Variants in KIAA1217 observed in about 807,000 individuals in gnomAD.
The protein encoded by KIAA1217 is sickle tail protein homolog.
Under a neutral mutation model 163.9 loss-of-function variants are expected in KIAA1217, and 88 were observed. The observed-to-expected ratio is 0.54, with a 90% CI of 0.45 to 0.64. KIAA1217 has a LOEUF of 0.64. Ranked by LOEUF, KIAA1217 falls within the 30% of genes least tolerant of loss-of-function variation. KIAA1217 has a pLI of 0.00. For missense variants in KIAA1217, 2,372 were observed against 2,475.0 expected (o/e 0.96, Z 0.88); for synonymous variants, 903 against 923.1 (o/e 0.98, Z 0.39).
At chr10:24,042,088 G>A (rs903960419) in intron 2 of KIAA1217, 4 of 152,104 alleles carry the variant, frequency 2.6e-5, no homozygotes, top group African/African-American at 9.7e-5. Context: ...ATGGGCTACG[G>A]GGCTGCATGA....
At chr10:24,291,549 T>C (rs2132462907) in intron 2 of KIAA1217, among the ~76,000 whole-genome samples, 1 of 152,192 alleles carries the variant, frequency 6.6e-6, no homozygotes, top group Middle Eastern at 3.4e-3. Context: ...AAAACTTCAC[T>C]CAATCATTTC....
chr10:24,361,982 C>CAAAAAAAAAAAAAAAAAAAA (rs68117028), intron 2 of KIAA1217, among the ~76,000 whole-genome samples: 2 of 100,574 alleles, frequency 2.0e-5, no homozygotes, highest in Non-Finnish European at 3.9e-5. Context: ...GACTCTGTCT[C>CAAAAAAAAAAAAAAAAAAAA]AAAAAAAAAA....
chr10:23,898,969 C>T (rs1430845477), intron 1 of KIAA1217, among the ~76,000 whole-genome samples: 1 of 152,102 alleles, frequency 6.6e-6, no homozygotes, highest in Non-Finnish European at 1.5e-5. Context: ...ATGGGCTAAA[C>T]TGTGTTGATG....
intron 1 of KIAA1217, among the ~76,000 whole-genome samples, chr10:23,711,458 G>A (rs1029067977): frequency 6.6e-6 from 1 of 152,154 alleles, no homozygotes; most frequent in Non-Finnish European, 1.5e-5. Flanking sequence ...CCAGGAGACA[G>A]AACAGGCAAG....
At chr10:23,999,381 CAATT>C (rs1173993000) in intron 1 of KIAA1217, among the ~76,000 whole-genome samples, 1 of 152,132 alleles carries the variant, frequency 6.6e-6, no homozygotes, top group Admixed American at 6.5e-5. Flanking sequence ...TAGGCACTGA[CAATT>C]AAGGAGCAGG....
chr10:24,098,953 C>T lies in KIAA1217; in HGVS notation c.-171+91579C>T, dbSNP rs568264529. Among the ~76,000 whole-genome samples, 7 of 152,188 alleles carry T rather than the reference C, an allele frequency of 4.6e-5. No individual in the cohort carries two copies. The South Asian group carries it at 1.5e-3, about 32-fold the overall frequency. On this transcript the variant is annotated intron_variant, in intron 2 of 18. Transcript: ENST00000376462. ...GAGCTGTGATTGCACCACTATATTC[C>T]AGCCTGGGTGACAGAGGGTTCAAGT... is the stretch of plus-strand genomic sequence containing the variant.
chr10:23,752,019 T>G (rs1839765087), intron 1 of KIAA1217, among the ~76,000 whole-genome samples: 1 of 152,226 alleles, frequency 6.6e-6, no homozygotes, highest in Non-Finnish European at 1.5e-5. Context: ...ATGCTGTACC[T>G]CACATCATGA....
intron 2 of KIAA1217, among the ~76,000 whole-genome samples, chr10:24,356,202 T>C (rs2049081983): frequency 6.6e-6 from 1 of 152,236 alleles, no homozygotes; most frequent in African/African-American, 2.4e-5. Flanking sequence ...GCTTCATTTG[T>C]GCTTCCTGGA....
At chr10:24,434,420 C>A (rs35660454) in intron 4 of KIAA1217, among the ~76,000 whole-genome samples, 19,645 of 152,164 alleles carry the variant, frequency 0.13, 1,319 homozygotes, top group African/African-American at 0.17. Context: ...TCAGTGCAGC[C>A]TCGACCTTCT....
At position 24,524,352 on chromosome 10, in the gene KIAA1217, C is replaced by A; in HGVS notation, c.2486C>A (p.Thr829Lys). The part of the protein sequence containing the change: ...RHVTDGLLKG[T>K]DAAQAAQYMA... ...GTCACTGATGGGCTCCTGAAAGGCA[C>A]GGACGCAGCCCAAGCCGCACAGTAC... The change falls in exon 13 of 21, where the codon ACG becomes AAG. Residue 829 changes from threonine (T) to lysine (K), a missense_variant. By Grantham distance (78) the Thr-to-Lys change is moderately conservative. This residue lies in a region of KIAA1217 where 1,431 missense variants were observed against 1,470.3 expected (regional missense o/e 0.97). Coordinates refer to ENST00000376454, the MANE Select transcript of KIAA1217 (RefSeq NM_019590.5). 1 of 1,612,242 alleles carries A rather than the reference C, an allele frequency of 6.2e-7. No individual in the cohort carries two copies. Among genetic ancestry groups the A allele is most frequent in the Non-Finnish European group, 8.5e-7 (1 of 1,178,472 alleles).
intron 17 of KIAA1217, among the ~76,000 whole-genome samples, chr10:24,538,985 G>A (rs2074569363): frequency 6.6e-6 from 1 of 152,024 alleles, no homozygotes; most frequent in Non-Finnish European, 1.5e-5. Context: ...ACCCGCCTCA[G>A]CCTCTCAAAA....
chr10:24,437,274 G>T (rs1206048692), intron 4 of KIAA1217, among the ~76,000 whole-genome samples: 2 of 152,126 alleles, frequency 1.3e-5, no homozygotes, highest in African/African-American at 4.8e-5. Flanking sequence ...AGGGCTGCTG[G>T]TTCCCCCTCA....
intron 1 of KIAA1217, among the ~76,000 whole-genome samples, chr10:23,724,669 C>T (rs981180661): frequency 3.3e-5 from 5 of 152,152 alleles, no homozygotes; most frequent in Admixed American, 6.5e-5. Flanking sequence ...AGGATTAATT[C>T]TATAATTTGG....
intron 2 of KIAA1217, among the ~76,000 whole-genome samples, chr10:24,222,730 G>A (rs1054676351): frequency 2.0e-5 from 3 of 152,016 alleles, no homozygotes; most frequent in Non-Finnish European, 2.9e-5. Flanking sequence ...GGCTGGTCTC[G>A]AACTCCTGAC....
chr10:24,096,023 G>A (rs900307910), intron 2 of KIAA1217, among the ~76,000 whole-genome samples: 21 of 152,274 alleles, frequency 1.4e-4, no homozygotes, highest in South Asian at 2.1e-4. Flanking sequence ...CAGAAAGATC[G>A]CTTGAGACCA....
At chr10:23,880,683 G>A (rs1840910435) in intron 1 of KIAA1217, among the ~76,000 whole-genome samples, 1 of 151,924 alleles carries the variant, frequency 6.6e-6, no homozygotes, top group Non-Finnish European at 1.5e-5. Context: ...ATTATGCGTG[G>A]CATGCTTGTA....
chr10:23,905,184 CTT>C (rs66510256), intron 1 of KIAA1217, among the ~76,000 whole-genome samples: 1,482 of 145,864 alleles, frequency 0.01, 27 homozygotes, highest in African/African-American at 0.032. Context: ...GAAGGGGCTG[CTT>C]TTTTTTTTTT....
chr10:24,253,980 T>C (rs2074853872), intron 2 of KIAA1217, among the ~76,000 whole-genome samples: 1 of 152,110 alleles, frequency 6.6e-6, no homozygotes, highest in South Asian at 2.1e-4. Flanking sequence ...AAAAAGGATA[T>C]AGTTCTATGC....
chr10:23,874,658 A>G (rs1429972605), intron 1 of KIAA1217, among the ~76,000 whole-genome samples: 2 of 152,008 alleles, frequency 1.3e-5, no homozygotes, highest in African/African-American at 4.8e-5. Context: ...TGCTGGGACC[A>G]TACCCCAGAC....
Sources: allele counts gnomAD v4.1 joint callset (sites outside exome capture counted in the v4.1 genomes callset), GRCh38; gene constraint gnomAD v4.1.1; regional missense constraint gnomAD v4.1.1; transcripts MANE v1.5; gene names NCBI Gene and HGNC (gene_info 2026-07-23, HGNC 2026-07-21).